The following PPP1R21 variants were observed in gnomAD, a reference collection of about 807,000 sequenced individuals.
PPP1R21 encodes the protein KLRAQ motif containing 1.
In PPP1R21, 85 loss-of-function variants were observed where a neutral mutation model predicts 112.8. That is an observed-to-expected ratio of 0.75 (90% CI 0.63 to 0.90). The LOEUF (loss-of-function observed/expected upper bound fraction) is 0.90. Ranked by LOEUF, PPP1R21 falls within the 40% of genes least tolerant of loss-of-function variation. PPP1R21 has a pLI of 0.00. For synonymous variants in PPP1R21, 381 were observed against 322.3 expected, an observed-to-expected ratio of 1.18 and a Z score of -1.95; for missense variants, 1,199 against 901.5, an observed-to-expected ratio of 1.33 and a Z score of -4.23.
Position 48,503,770 on chromosome 2 carries a change from A to AC in PPP1R21, c.1936-1790dup, listed in dbSNP as rs1670239596. Reference sequence around the variant, plus strand: ...AAACCAGCCTGGCCAACATGGTGAAACCCCATCTCTACTAAAGATTAAAAA... The same window carrying AC: ...AAACCAGCCTGGCCAACATGGTGAAACCCCCATCTCTACTAAAGATTAAAAA... On this transcript the variant is annotated intron_variant, in intron 17 of 21. Coordinates refer to ENST00000294952, the MANE Select transcript of PPP1R21 (RefSeq NM_001135629.3). Among the ~76,000 whole-genome samples, 5 of 151,818 alleles carry AC rather than the reference A, an allele frequency of 3.3e-5. No homozygotes were observed. In the South Asian group the frequency reaches 1.0e-3, roughly 32 times the overall value.
chr2:48,489,007 A>G (rs1172344606), intron 14 of PPP1R21, among the ~76,000 whole-genome samples: 1 of 152,192 alleles, frequency 6.6e-6, no homozygotes, highest in African/African-American at 2.4e-5. Flanking sequence ...TGGTATCCTT[A>G]CTTTACTGAA....
Position 48,448,141 on chromosome 2 carries a change from T to TC in PPP1R21, c.58-2865dup, listed in dbSNP as rs1173256758. 6.6e-5 allele frequency among the ~76,000 whole-genome samples: 10 copies of TC among 152,294 alleles called. No homozygotes were observed. In the East Asian group the frequency reaches 1.9e-3, roughly 29 times the overall value. On this transcript the variant is annotated intron_variant, in intron 1 of 21. Transcript: ENST00000294952. ...AGAGTATGCAAGCTTATCATCTTCC[T>TC]CCATTTCTACCTACTAAGTAATAGA...
In PPP1R21 at chr2:48,498,695, C is replaced by T. The variant is rs747349287; in HGVS notation, c.1895C>T (p.Thr632Ile). ...VSNTAGQDEA[T>I]AKAVLEPIQS... ...AATACTGCTGGCCAGGATGAAGCCA[C>T]AGCTAAGGCTGTGTTGGAGCCCATT... The change falls in exon 17 of 22, where the codon ACA (threonine) becomes ATA (isoleucine). Residue 632 changes from threonine (T) to isoleucine (I), a missense_variant. Coordinates refer to ENST00000294952, the MANE Select transcript of PPP1R21 (RefSeq NM_001135629.3). 1 of 1,614,228 alleles carries T rather than the reference C, an allele frequency of 6.2e-7. No homozygotes were observed. The highest frequency in any genetic ancestry group is 8.5e-7 in the Non-Finnish European group (1 of 1,180,042).
At position 48,514,803 on chromosome 2, in the gene PPP1R21, G is replaced by A. The variant is rs1053024486; in HGVS notation, c.*59G>A. On this transcript the variant is annotated 3_prime_UTR_variant, in exon 22 of 22. Coordinates refer to ENST00000294952, the MANE Select transcript of PPP1R21 (RefSeq NM_001135629.3). Reference sequence around the variant, plus strand: ...AGACCTGCTCCTGCTGCACAGAGCCGCAGGGCTGAGACCACGTCCATGCTG... The same window carrying A: ...AGACCTGCTCCTGCTGCACAGAGCCACAGGGCTGAGACCACGTCCATGCTG... 6.9e-5 allele frequency: 110 copies of A among 1,587,550 alleles called. No individual in the cohort carries two copies. The highest frequency in any genetic ancestry group is 1.7e-4 in the Middle Eastern group (1 of 5,758).
In PPP1R21 at chr2:48,491,080, G is replaced by A. The variant is rs767469235; in HGVS notation, c.1509G>A (p.Lys503=). Residue 503 remains lysine (K), a synonymous_variant, in exon 15 of 22, where the codon AAG becomes AAA. Transcript: ENST00000294952. ...YFIASLSYGP[K]AASGFISPLS... ...TTGCTTCACTGAGCTATGGACCTAAGGCAGCGAGTGGATTCATTAGTCCTC... is the reference window on the plus strand; with the variant it reads ...TTGCTTCACTGAGCTATGGACCTAAAGCAGCGAGTGGATTCATTAGTCCTC... 3 of 1,613,974 alleles carry A rather than the reference G, an allele frequency of 1.9e-6. No homozygotes were observed. Among genetic ancestry groups the A allele is most frequent in the African/African-American group, 2.7e-5 (2 of 74,930 alleles).
At chr2:48,504,868 C>G (rs1670302852) in intron 17 of PPP1R21, among the ~76,000 whole-genome samples, 1 of 152,076 alleles carries the variant, frequency 6.6e-6, no homozygotes, top group Non-Finnish European at 1.5e-5. Context: ...GTGACTCATG[C>G]CTGTAATCTC....
At chr2:48,493,477 A>G (rs987170772) in intron 15 of PPP1R21, among the ~76,000 whole-genome samples, 18 of 152,088 alleles carry the variant, frequency 1.2e-4, no homozygotes. Flanking sequence ...CTTCATGGTG[A>G]TCATTCTTAG....
intron 6 of PPP1R21, 57 bp from the exon 7 acceptor site, chr2:48,461,076 TAAATG>T: frequency 6.5e-7 from 1 of 1,529,980 alleles, no homozygotes; most frequent in Non-Finnish European, 8.7e-7. Flanking sequence ...AGGTAACAAA[TAAATG>T]AGGATTCACT....
intron 9 of PPP1R21, 38 bp downstream of exon 9, chr2:48,465,680 CA>C (rs1350931399): frequency 6.3e-7 from 1 of 1,579,692 alleles, no homozygotes; most frequent in South Asian, 1.1e-5. Context: ...TTGCCCTGAA[CA>C]AAATAGGGAG....
In PPP1R21 at chr2:48,459,773, A is replaced by G; in HGVS notation, c.395A>G (p.Gln132Arg). 1 of 1,613,290 alleles carries G rather than the reference A, an allele frequency of 6.2e-7. No homozygotes were observed. The highest frequency in any genetic ancestry group is 8.5e-7 in the Non-Finnish European group (1 of 1,179,784). ...LHIQFFEADE[Q>R]HKHVEAELRS... ...TTTTAGTTTTTTGAAGCTGATGAGC[A>G]GCACAAGCATGTGGAAGCAGAGCTG... The change falls in exon 5 of 22, where the codon CAG (glutamine) becomes CGG (arginine). Residue 132 changes from glutamine (Q) to arginine (R), a missense_variant. By Grantham distance (43) the Gln-to-Arg change is conservative (BLOSUM62 1). Coordinates refer to ENST00000294952, the MANE Select transcript of PPP1R21 (RefSeq NM_001135629.3).
At chr2:48,442,538 G>C (rs1246783993) in intron 1 of PPP1R21, among the ~76,000 whole-genome samples, 1 of 152,122 alleles carries the variant, frequency 6.6e-6, no homozygotes, top group East Asian at 1.9e-4. Flanking sequence ...AGTCTGCCAG[G>C]GTCTGTTGAG....
intron 17 of PPP1R21, among the ~76,000 whole-genome samples, chr2:48,505,005 T>C (rs972641649): frequency 4.6e-5 from 7 of 152,040 alleles, no homozygotes; most frequent in African/African-American, 1.7e-4. Flanking sequence ...AAAAAAAAAA[T>C]TAGAAAGAAA....
chr2:48,444,842 A>T (rs971439348), intron 1 of PPP1R21, among the ~76,000 whole-genome samples: 3 of 152,148 alleles, frequency 2.0e-5, no homozygotes, highest in African/African-American at 7.2e-5. Context: ...GCAGAAATAA[A>T]GATAATCTTT....
intron 16 of PPP1R21, among the ~76,000 whole-genome samples, chr2:48,497,171 A>G (rs1452812014): frequency 6.6e-6 from 1 of 152,156 alleles, no homozygotes; most frequent in African/African-American, 2.4e-5. Context: ...GTGGGATCTC[A>G]CACTATCTCC....
Position 48,507,388 on chromosome 2 carries a change from G to A in PPP1R21, c.2085+3G>A, listed in dbSNP as rs1670431689. The A allele has an allele frequency of 6.3e-7, 1 of 1,599,850 alleles. No homozygotes were observed. The highest frequency in any genetic ancestry group is 8.5e-7 in the Non-Finnish European group (1 of 1,175,572). On this transcript the variant is annotated splice_donor_region_variant and intron_variant, in intron 19 of 21. Coordinates refer to ENST00000294952, the MANE Select transcript of PPP1R21 (RefSeq NM_001135629.3). ...AGTCAGTGCATTTTTATGCCGAGGTGAGTGTAGATTTAATTAGATTGGTGG... is the reference window on the plus strand; with the variant it reads ...AGTCAGTGCATTTTTATGCCGAGGTAAGTGTAGATTTAATTAGATTGGTGG...
At chr2:48,506,703 T>C (rs933280883) in intron 18 of PPP1R21, among the ~76,000 whole-genome samples, 2 of 152,070 alleles carry the variant, frequency 1.3e-5, no homozygotes, top group African/African-American at 4.8e-5. Context: ...CCCAGCACTT[T>C]GGGAGGCCAA....
At chr2:48,444,639 G>A (rs1442265387) in intron 1 of PPP1R21, among the ~76,000 whole-genome samples, 1 of 152,176 alleles carries the variant, frequency 6.6e-6, no homozygotes, top group African/African-American at 2.4e-5. Flanking sequence ...GATTCTCAAA[G>A]TGTGGAACCT....
intron 13 of PPP1R21, 137 bp from the exon 14 acceptor site, chr2:48,486,494 T>C (rs558215623): frequency 1.6e-6 from 1 of 640,754 alleles, no homozygotes; most frequent in East Asian, 2.8e-5. Flanking sequence ...CTCAGTGCAA[T>C]CCTGACACTT....
At chr2:48,469,283 G>A (rs1239766639) in intron 9 of PPP1R21, among the ~76,000 whole-genome samples, 1 of 46,806 alleles carries the variant, frequency 2.1e-5, no homozygotes, top group Non-Finnish European at 4.5e-5. Flanking sequence ...GTGTGTGTGT[G>A]TGTGTGTGTG....
Sources: gnomAD v4.1 joint callset for allele counts (sites outside exome capture counted in the v4.1 genomes callset) on GRCh38, gnomAD v4.1.1 for gene constraint, MANE v1.5 for transcripts, NCBI Gene and HGNC (gene_info 2026-07-23, HGNC 2026-07-21) for gene names.